Variants in ADAM10 observed in about 807,000 individuals in gnomAD.
The protein encoded by ADAM10 is ADAM metallopeptidase domain 10.
A neutral mutation model predicts 90.1 loss-of-function variants in ADAM10; 17 were observed. The observed-to-expected ratio is 0.19, with a 90% CI of 0.13 to 0.28. ADAM10 has a LOEUF of 0.28. Ranked by LOEUF, ADAM10 falls within the 10% of genes least tolerant of loss-of-function variation. The pLI is 1.00. For synonymous variants in ADAM10, 310 were observed against 298.6 expected (o/e 1.04, Z -0.40); for missense variants, 610 against 914.3 (o/e 0.67, Z 4.29).
At chr15:58,694,413 TG>T (rs1897916405) in intron 2 of ADAM10, among the ~76,000 whole-genome samples, 1 of 151,980 alleles carries the variant, frequency 6.6e-6, no homozygotes, top group Non-Finnish European at 1.5e-5. Flanking sequence ...ATCACGACAC[TG>T]CACTCCAGCC....
intron 2 of ADAM10, among the ~76,000 whole-genome samples, chr15:58,685,580 A>ATATATG (rs1306197062): frequency 1.5e-5 from 2 of 134,488 alleles, no homozygotes; most frequent in African/African-American, 5.9e-5. Flanking sequence ...ATATATATAT[A>ATATATG]TATGTATATA....
At chr15:58,740,399 ACT>A (rs1416063034) in intron 1 of ADAM10, among the ~76,000 whole-genome samples, 1 of 146,988 alleles carries the variant, frequency 6.8e-6, no homozygotes, top group African/African-American at 2.6e-5. Flanking sequence ...TCAGCGCGAG[ACT>A]CTGTCTCTAG....
rs1491181673 is a variant in ADAM10, at chr15:58,647,249, T to TTTC, written c.586-1046_586-1045insGAA. 9.5e-3 allele frequency among the ~76,000 whole-genome samples: 297 copies of TTTC among 31,156 alleles called. 48 individuals carry two copies. Among genetic ancestry groups the TTTC allele is most frequent in the African/African-American group, 0.049 (278 of 5,730 alleles). The allele number at this position is 31,156 out of a possible 152,430, so 20.4% of individuals were successfully genotyped here. ...GGCAGCAAAGAGTAGACACTAAGTA[T>TTTC]TTTTTTTTTTTTTTTTTTTTTTTTT... On this transcript the variant is annotated intron_variant, in intron 5 of 15. Coordinates refer to ENST00000260408, the MANE Select transcript of ADAM10 (RefSeq NM_001110.4).
intron 1 of ADAM10, among the ~76,000 whole-genome samples, chr15:58,722,114 T>G (rs1324246943): frequency 6.6e-6 from 1 of 150,940 alleles, no homozygotes; most frequent in Non-Finnish European, 1.5e-5. Flanking sequence ...CCGAGGCGAG[T>G]GGATCACCTG....
chr15:58,668,823 T>G (rs577334781), intron 4 of ADAM10, among the ~76,000 whole-genome samples: 12 of 152,288 alleles, frequency 7.9e-5, no homozygotes, highest in African/African-American at 2.4e-4. Flanking sequence ...AGCCAGTATG[T>G]GGTTTCTATG....
rs1894978896 is a variant in ADAM10 at position 58,597,224 on chromosome 15, T to C, written c.*323A>G. 4 of 716,632 alleles carry C rather than the reference T, an allele frequency of 5.6e-6. No individual in the cohort carries two copies. The Admixed American group carries it at 1.2e-4, about 22-fold the overall frequency. The allele number at this position is 716,632 out of a possible 1,614,324, so 44.4% of individuals were successfully genotyped here. A position where few individuals can be genotyped will look rare whatever the true frequency, so the allele number is the denominator to read the frequency against. ...GGTAAAAGTTTATTGAGAGCCAAGTTTGCCTGCAAGTGAAGAAAATGCAGC... is the reference window on the plus strand; with the variant it reads ...GGTAAAAGTTTATTGAGAGCCAAGTCTGCCTGCAAGTGAAGAAAATGCAGC... On this transcript the variant is annotated 3_prime_UTR_variant, in exon 16 of 16. Coordinates refer to ENST00000260408, the MANE Select transcript of ADAM10 (RefSeq NM_001110.4).
chr15:58,643,234 C>T (rs1239445165), intron 7 of ADAM10, among the ~76,000 whole-genome samples: 1 of 151,912 alleles, frequency 6.6e-6, no homozygotes. Flanking sequence ...ACTCATACTA[C>T]GTGACCCTAT....
chr15:58,677,000 T>A (rs1897315648), intron 4 of ADAM10, among the ~76,000 whole-genome samples: 1 of 152,208 alleles, frequency 6.6e-6, no homozygotes, highest in Admixed American at 6.5e-5. Context: ...CGAACCACGG[T>A]CTAGAATATA....
intron 4 of ADAM10, among the ~76,000 whole-genome samples, chr15:58,673,684 AT>A (rs1897249334): frequency 1.3e-5 from 2 of 151,672 alleles, no homozygotes; most frequent in Admixed American, 6.6e-5. Context: ...GTCTAAGCAT[AT>A]TTTTTCCAGA....
intron 2 of ADAM10, among the ~76,000 whole-genome samples, chr15:58,704,330 T>C (rs908739707): frequency 6.6e-5 from 10 of 152,194 alleles, no homozygotes; most frequent in Non-Finnish European, 1.5e-4. Context: ...GGGGAGTCAC[T>C]GTTTAATGAG....
intron 2 of ADAM10, chr15:58,686,395 G>C: frequency 9.4e-7 from 1 of 1,062,276 alleles, no homozygotes; most frequent in South Asian, 1.4e-5. Flanking sequence ...GGCCCTCGGA[G>C]CCCAGCGCCG....
chr15:58,611,528 A>G (rs1895438147), intron 12 of ADAM10: 4 of 363,858 alleles, frequency 1.1e-5, no homozygotes, highest in Non-Finnish European at 1.5e-5. Flanking sequence ...TAGGCTACTG[A>G]AATATTATTT....
At chr15:58,651,957 G>A (rs1896699228) in intron 5 of ADAM10, among the ~76,000 whole-genome samples, 1 of 152,194 alleles carries the variant, frequency 6.6e-6, no homozygotes, top group East Asian at 1.9e-4. Flanking sequence ...GAGGTGAGAC[G>A]GTATCTCACT....
rs185467422 is a variant in ADAM10, at chr15:58,660,525, C to T, written c.585+4572G>A. On this transcript the variant is annotated intron_variant, in intron 5 of 15. Transcript: ENST00000260408. ...TTGAGACAGGGTCTCGCTGTGTTGG[C>T]CAGGTTGGTCTTGAACTCTTGGCCT... Among the ~76,000 whole-genome samples, 474 of 151,862 alleles carry T rather than the reference C, an allele frequency of 3.1e-3. 7 individuals carry two copies. The highest frequency in any genetic ancestry group is 0.027 in the Admixed American group (419 of 15,256).
chr15:58,675,877 C>T (rs149019233), intron 4 of ADAM10, among the ~76,000 whole-genome samples: 1 of 152,124 alleles, frequency 6.6e-6, no homozygotes, highest in South Asian at 2.1e-4. Context: ...TAGTATGCCT[C>T]CCCTACCATT....
chr15:58,744,959 G>A (rs1417019082), intron 1 of ADAM10, among the ~76,000 whole-genome samples: 2 of 152,246 alleles, frequency 1.3e-5, no homozygotes, highest in African/African-American at 2.4e-5. Context: ...AAGGCGGGCA[G>A]ATCACCTGAA....
At chr15:58,670,015 T>C (rs1897158991) in intron 4 of ADAM10, among the ~76,000 whole-genome samples, 1 of 152,116 alleles carries the variant, frequency 6.6e-6, no homozygotes, top group African/African-American at 2.4e-5. Context: ...ATGTTTATTA[T>C]CTTAAATGCT....
chr15:58,633,054 G>A (rs1229755077), intron 9 of ADAM10, 142 bp downstream of exon 9: 2 of 790,880 alleles, frequency 2.5e-6, no homozygotes, highest in East Asian at 2.7e-5. Context: ...CTTTCAGTAT[G>A]GTCAAATACA....
chr15:58,711,263 G>A (rs1898464766), intron 2 of ADAM10, among the ~76,000 whole-genome samples: 2 of 152,140 alleles, frequency 1.3e-5, no homozygotes, highest in Admixed American at 1.3e-4. Flanking sequence ...CATTTCTGAT[G>A]TATGGACTGA....
Sources: gnomAD v4.1 joint callset for allele counts (sites outside exome capture counted in the v4.1 genomes callset) on GRCh38, gnomAD v4.1.1 for gene constraint, MANE v1.5 for transcripts, NCBI Gene and HGNC (gene_info 2026-07-23, HGNC 2026-07-21) for gene names.